The following INSYN2A variants were observed in gnomAD, a reference collection of about 807,000 sequenced individuals.
INSYN2A encodes inhibitory synaptic factor 2A.
A neutral mutation model predicts 39.4 loss-of-function variants in INSYN2A; 17 were observed. The observed-to-expected ratio is 0.43, with a 90% CI of 0.30 to 0.65. The LOEUF (loss-of-function observed/expected upper bound fraction) is 0.65. INSYN2A is among the 30% of genes least tolerant of loss of function. INSYN2A has a pLI of 0.14. For missense variants in INSYN2A, 595 were observed against 631.2 expected (o/e 0.94, Z 0.61); for synonymous variants, 255 against 265.7 (o/e 0.96, Z 0.39).
chr10:127,166,138 T>C (rs1564858784), intron 4 of INSYN2A, among the ~76,000 whole-genome samples: 1 of 152,184 alleles, frequency 6.6e-6, no homozygotes, highest in Non-Finnish European at 1.5e-5. Context: ...CAATCTCGGC[T>C]CACTGCAAGC....
chr10:127,190,682 C>CCCCCCCCCCG (rs1554912109), intron 2 of INSYN2A, among the ~76,000 whole-genome samples: 3 of 43,688 alleles, frequency 6.9e-5, no homozygotes, highest in Non-Finnish European at 1.5e-4. Context: ...CCCCCCCCCC[C>CCCCCCCCCCG]CGTTCCTGCT....
chr10:127,138,522 A>G (rs999258631), intron 5 of INSYN2A, among the ~76,000 whole-genome samples: 1 of 152,172 alleles, frequency 6.6e-6, no homozygotes, highest in Non-Finnish European at 1.5e-5. Flanking sequence ...CTTGGCTGAC[A>G]TTCTCCTTGT....
rs933729330 is a variant in INSYN2A at position 127,137,609 on chromosome 10, C to A, written c.*228G>T. On this transcript the variant is annotated 3_prime_UTR_variant, in exon 6 of 6. Coordinates refer to ENST00000522781, the MANE Select transcript of INSYN2A (RefSeq NM_001039762.3). ...TACGTAAGTTTCATTTCAGATTTTA[C>A]ATCCCACATCAGTGAACTGCAAAGA... The A allele has an allele frequency of 4.7e-6, 2 of 429,440 alleles. No individual in the cohort carries two copies. The highest frequency in any genetic ancestry group is 8.2e-6 in the Non-Finnish European group (2 of 243,778). 26.6% of individuals were successfully genotyped at this position (429,440 alleles called of 1,614,324 possible). A position where few individuals can be genotyped will look rare whatever the true frequency, so the allele number is the denominator to read the frequency against.
chr10:127,195,523 T>C (rs1261973194), intron 1 of INSYN2A, among the ~76,000 whole-genome samples: 6 of 148,158 alleles, frequency 4.0e-5, no homozygotes, highest in Admixed American at 6.7e-5. Flanking sequence ...TTCCAACTCA[T>C]CCCCCCCCCG....
intron 5 of INSYN2A, among the ~76,000 whole-genome samples, chr10:127,151,688 C>G (rs1318152063): frequency 6.6e-6 from 1 of 152,142 alleles, no homozygotes; most frequent in Non-Finnish European, 1.5e-5. Context: ...ATGCATTTTC[C>G]CTGCTCGTAT....
In INSYN2A at chr10:127,179,455, C is replaced by A. The variant is rs186659550; in HGVS notation, c.-268-2316G>T. Among the ~76,000 whole-genome samples the A allele has an allele frequency of 1.9e-3, 283 of 152,256 alleles. 2 individuals carry two copies. The highest frequency in any genetic ancestry group is 0.017 in the Admixed American group (263 of 15,298). ...AAAAAACAGTAATAGTAATTGAGTT[C>A]TTATTCTCTGATAGGGAAAACACCA... On this transcript the variant is annotated intron_variant, in intron 2 of 5. Transcript: ENST00000522781.
intron 4 of INSYN2A, among the ~76,000 whole-genome samples, chr10:127,170,864 T>G (rs1446282886): frequency 6.6e-6 from 1 of 152,206 alleles, no homozygotes; most frequent in Non-Finnish European, 1.5e-5. Context: ...AGCAGGATAA[T>G]TCTTGGCATT....
intron 2 of INSYN2A, among the ~76,000 whole-genome samples, chr10:127,187,730 G>A (rs921360852): frequency 1.9e-5 from 2 of 107,126 alleles, no homozygotes; most frequent in Non-Finnish European, 2.2e-5. Context: ...AAGAAAGAGA[G>A]AAAGAAAGAA....
chr10:127,172,096 CTTTT>C (rs544335696), intron 4 of INSYN2A, among the ~76,000 whole-genome samples: 3 of 152,070 alleles, frequency 2.0e-5, no homozygotes, highest in Admixed American at 6.5e-5. Flanking sequence ...TTCCTGTTTT[CTTTT>C]TTTGTTTGTT....
At chr10:127,160,742 A>G (rs1314304568) in intron 4 of INSYN2A, among the ~76,000 whole-genome samples, 1 of 152,238 alleles carries the variant, frequency 6.6e-6, no homozygotes, top group African/African-American at 2.4e-5. Flanking sequence ...AGATATAAAA[A>G]AGGCATGGTC....
At chr10:127,171,870 A>G (rs1352923656) in intron 4 of INSYN2A, among the ~76,000 whole-genome samples, 1 of 151,836 alleles carries the variant, frequency 6.6e-6, no homozygotes, top group South Asian at 2.1e-4. Context: ...CGCCCGACTA[A>G]TGTTTGTATT....
chr10:127,189,945 G>C (rs1425621490), intron 2 of INSYN2A, among the ~76,000 whole-genome samples: 2 of 152,210 alleles, frequency 1.3e-5, no homozygotes, highest in Non-Finnish European at 2.9e-5. Context: ...GTGAGGTTAA[G>C]GCTGAGAGAC....
intron 4 of INSYN2A, among the ~76,000 whole-genome samples, chr10:127,168,705 G>T (rs570995881): frequency 7.2e-4 from 109 of 152,310 alleles, no homozygotes; most frequent in African/African-American, 2.5e-3. Flanking sequence ...ATTGGGATGG[G>T]ATCACCTCAC....
At chr10:127,149,544 C>T (rs1375499926) in intron 5 of INSYN2A, among the ~76,000 whole-genome samples, 1 of 152,168 alleles carries the variant, frequency 6.6e-6, no homozygotes, top group Non-Finnish European at 1.5e-5. Context: ...ACACAGTATC[C>T]TTTTCATCTC....
rs2050750937 is a variant in INSYN2A, at chr10:127,136,916, C to A, written c.*921G>T. ...CTAACAGTGTCTCGGAGGATCGATCCACAAAAACACTGTCTGCCATGGCAC... is the reference window on the plus strand; with the variant it reads ...CTAACAGTGTCTCGGAGGATCGATCAACAAAAACACTGTCTGCCATGGCAC... On this transcript the variant is annotated 3_prime_UTR_variant, in exon 6 of 6. Transcript: ENST00000522781. The A allele has an allele frequency of 6.6e-6, 1 of 152,568 alleles. No homozygotes were observed. The highest frequency in any genetic ancestry group is 2.4e-5 in the African/African-American group (1 of 41,442). 9.5% of individuals were successfully genotyped at this position (152,568 alleles called of 1,614,324 possible).
intron 2 of INSYN2A, among the ~76,000 whole-genome samples, chr10:127,187,880 G>A (rs1181915705): frequency 1.3e-5 from 2 of 152,256 alleles, no homozygotes; most frequent in East Asian, 3.9e-4. Flanking sequence ...TCCACTGTTT[G>A]TTTTAAATGC....
chr10:127,141,681 A>AC (rs1554894446), intron 5 of INSYN2A, among the ~76,000 whole-genome samples: 44 of 150,458 alleles, frequency 2.9e-4, no homozygotes, highest in Admixed American at 1.7e-3. Flanking sequence ...TAAAACAAAA[A>AC]AAAAAAAAAA....
At chr10:127,169,511 A>G (rs1298632623) in intron 4 of INSYN2A, among the ~76,000 whole-genome samples, 2 of 152,212 alleles carry the variant, frequency 1.3e-5, no homozygotes, top group African/African-American at 2.4e-5. Flanking sequence ...TACAAACCAT[A>G]TATCAGGAGT....
intron 5 of INSYN2A, among the ~76,000 whole-genome samples, chr10:127,139,301 C>T (rs191608896): frequency 8.0e-4 from 121 of 152,130 alleles, no homozygotes; most frequent in African/African-American, 2.9e-3. Flanking sequence ...AGTTTTAAAA[C>T]AAGTTCAGGA....
Sources: gnomAD v4.1 joint callset for allele counts (sites outside exome capture counted in the v4.1 genomes callset) on GRCh38, gnomAD v4.1.1 for gene constraint, MANE v1.5 for transcripts, NCBI Gene and HGNC (gene_info 2026-07-23, HGNC 2026-07-21) for gene names.